Variants in OPTN observed in about 807,000 individuals in gnomAD.
OPTN encodes the protein E3-14.7K-interacting protein.
OPTN carries 54 observed loss-of-function variants against 70.4 expected under a neutral mutation model. The observed-to-expected ratio is 0.77, with a 90% CI of 0.62 to 0.96. OPTN has a LOEUF of 0.96. Ranked by LOEUF, OPTN falls within the 40% of genes least tolerant of loss-of-function variation. The pLI is 0.00. For synonymous variants in OPTN, 256 were observed against 248.5 expected, an observed-to-expected ratio of 1.03 and a Z score of -0.28; for missense variants, 624 against 673.2, an observed-to-expected ratio of 0.93 and a Z score of 0.81.
At chr10:13,111,706 A>AT (rs1327242454) in intron 4 of OPTN, among the ~76,000 whole-genome samples, 1 of 151,938 alleles carries the variant, frequency 6.6e-6, no homozygotes, top group Non-Finnish European at 1.5e-5. Flanking sequence ...GGAAAAAAAA[A>AT]TTGTCAGGTA....
chr10:13,121,500 TAAAA>T (rs200687404), intron 7 of OPTN, among the ~76,000 whole-genome samples: 3 of 90,878 alleles, frequency 3.3e-5, no homozygotes, highest in African/African-American at 4.6e-5. Flanking sequence ...GATTATCCTG[TAAAA>T]AAAAAAAAAA....
At chr10:13,101,493 A>G (rs1439170669) in intron 1 of OPTN, among the ~76,000 whole-genome samples, 1 of 141,624 alleles carries the variant, frequency 7.1e-6, no homozygotes, top group Admixed American at 7.9e-5. Flanking sequence ...TTACTTAGGT[A>G]GAGGCGCATA....
At chr10:13,125,693 C>G in intron 10 of OPTN, 126 bp downstream of exon 10, 1 of 1,083,212 alleles carries the variant, frequency 9.2e-7, no homozygotes, top group South Asian at 1.5e-5. Flanking sequence ...CTGAAGGAGT[C>G]CTAGCAGACC....
At chr10:13,126,526 C>T (rs1019585300) in intron 11 of OPTN, among the ~76,000 whole-genome samples, 10 of 151,728 alleles carry the variant, frequency 6.6e-5, no homozygotes, top group Non-Finnish European at 1.3e-4. Context: ...GTGATCCACC[C>T]GCCTCGGCCT....
rs150381274 is a variant in OPTN at position 13,124,075 on chromosome 10, C to T, written c.963C>T (p.Ser321=). The T allele has an allele frequency of 9.2e-4, 1,488 of 1,612,530 alleles. 18 individuals are homozygous for T. The African/African-American group carries it at 0.017, about 18-fold the overall frequency. The change falls in exon 9 of 15, where the codon AGC becomes AGT. Residue 321 remains serine, a synonymous_variant. Transcript: ENST00000378747. ...KELQEAHTKL[S]EAELMKKRLQ... is the part of the protein sequence containing the mutation. Reference sequence around the variant, plus strand: ...TTCAAGAGGCTCATACAAAACTCAGCGAAGCTGAGCTAATGAAGAAGAGAC... The same window carrying T: ...TTCAAGAGGCTCATACAAAACTCAGTGAAGCTGAGCTAATGAAGAAGAGAC...
At chr10:13,101,250 A>G (rs1211307086) in intron 1 of OPTN, among the ~76,000 whole-genome samples, 1 of 152,238 alleles carries the variant, frequency 6.6e-6, no homozygotes, top group African/African-American at 2.4e-5. Context: ...AAGTCCTGGC[A>G]TAATTCATCT....
At chr10:13,120,596 A>C (rs1833326014) in intron 7 of OPTN, among the ~76,000 whole-genome samples, 1 of 148,970 alleles carries the variant, frequency 6.7e-6, no homozygotes, top group African/African-American at 2.5e-5. Flanking sequence ...AGAATTTTGT[A>C]GTTTCATCTC....
chr10:13,127,403 T>C (rs1456037311), intron 11 of OPTN, among the ~76,000 whole-genome samples: 2 of 152,248 alleles, frequency 1.3e-5, no homozygotes, highest in Admixed American at 6.5e-5. Context: ...CTTATTAACA[T>C]TGGAGTTTGT....
chr10:13,111,708 T>C (rs1833003101), intron 4 of OPTN, among the ~76,000 whole-genome samples: 1 of 151,830 alleles, frequency 6.6e-6, no homozygotes, highest in Non-Finnish European at 1.5e-5. Flanking sequence ...AAAAAAAAAT[T>C]GTCAGGTAAA....
chr10:13,107,616 C>A (rs965091883), intron 1 of OPTN, among the ~76,000 whole-genome samples: 1 of 151,822 alleles, frequency 6.6e-6, no homozygotes, highest in East Asian at 2.0e-4. Context: ...CTCCTGACCT[C>A]GTAATCTGCC....
intron 1 of OPTN, among the ~76,000 whole-genome samples, chr10:13,101,637 C>A (rs1313805964): frequency 1.3e-5 from 2 of 152,112 alleles, no homozygotes; most frequent in Non-Finnish European, 2.9e-5. Flanking sequence ...AAAAATATTT[C>A]ATTTAGAAAG....
At chr10:13,126,803 G>A (rs897776430) in intron 11 of OPTN, among the ~76,000 whole-genome samples, 1 of 152,182 alleles carries the variant, frequency 6.6e-6, no homozygotes, top group African/African-American at 2.4e-5. Context: ...CAAGGCTGGA[G>A]GATCATTTGA....
chr10:13,115,934 C>T (rs1285321851), intron 5 of OPTN, among the ~76,000 whole-genome samples: 1 of 151,914 alleles, frequency 6.6e-6, no homozygotes, highest in African/African-American at 2.4e-5. Flanking sequence ...CTCTGTATGA[C>T]CTTAACCTTG....
intron 1 of OPTN, among the ~76,000 whole-genome samples, chr10:13,102,742 A>C (rs1285685403): frequency 1.3e-5 from 2 of 152,196 alleles, no homozygotes; most frequent in Non-Finnish European, 2.9e-5. Context: ...CAGGAGTTCA[A>C]GACCAGCCTG....
Position 13,103,241 on chromosome 10 carries a change from C to G in OPTN, c.-164+2939C>G, listed in dbSNP as rs141463405. ...TCAATGCAATGTTAGAATCTTACCCCCCTTGTGAACCCAAACTCTTCATAG... is the reference window on the plus strand; with the variant it reads ...TCAATGCAATGTTAGAATCTTACCCGCCTTGTGAACCCAAACTCTTCATAG... On this transcript the variant is annotated intron_variant, in intron 1 of 14. Coordinates refer to ENST00000378747, the MANE Select transcript of OPTN (RefSeq NM_001008212.2). Among the ~76,000 whole-genome samples, 649 of 152,278 alleles carry G rather than the reference C, an allele frequency of 4.3e-3. 7 individuals carry two copies. Among genetic ancestry groups the G allele is most frequent in the African/African-American group, 0.015 (611 of 41,550 alleles).
At chr10:13,105,419 T>C (rs1366249789) in intron 1 of OPTN, among the ~76,000 whole-genome samples, 1 of 152,236 alleles carries the variant, frequency 6.6e-6, no homozygotes, top group Non-Finnish European at 1.5e-5. Flanking sequence ...CTAGAGGTCA[T>C]GTGACTTCCC....
At chr10:13,117,439 G>GTTTTT (rs1168488076) in intron 6 of OPTN, among the ~76,000 whole-genome samples, 1 of 32,744 alleles carries the variant, frequency 3.1e-5, no homozygotes, top group Non-Finnish European at 5.3e-5. Context: ...TTGAGATGGA[G>GTTTTT]TTTTTTTTTT....
In OPTN at chr10:13,125,981, A is replaced by G; in HGVS notation, c.1184A>G (p.Lys395Arg). 2 of 1,612,768 alleles carry G rather than the reference A, an allele frequency of 1.2e-6. No homozygotes were observed. Among genetic ancestry groups the G allele is most frequent in the Non-Finnish European group, 1.7e-6 (2 of 1,178,796 alleles). ...KLTVLQMTHNKLLQEHNNALK... is the reference protein window; with the variant it reads ...KLTVLQMTHNRLLQEHNNALK... Reference sequence around the variant, plus strand: ...ACTGTGCTACAGATGACACACAACAAGCTTCTTCAAGAACATAATAATGCA... The same window carrying G: ...ACTGTGCTACAGATGACACACAACAGGCTTCTTCAAGAACATAATAATGCA... Residue 395 changes from lysine (K) to arginine (R), a missense_variant, in exon 11 of 15, where the codon AAG becomes AGG. Lys to Arg is a conservative substitution (Grantham distance 26, BLOSUM62 2). Transcript: ENST00000378747.
intron 1 of OPTN, among the ~76,000 whole-genome samples, chr10:13,106,928 T>C (rs990810670): frequency 3.9e-5 from 6 of 152,168 alleles, no homozygotes; most frequent in Admixed American, 1.3e-4. Flanking sequence ...ATGGATCTCA[T>C]TGAGACCAGT....
Sources: allele counts gnomAD v4.1 joint callset (sites outside exome capture counted in the v4.1 genomes callset), GRCh38; gene constraint gnomAD v4.1.1; transcripts MANE v1.5; gene names NCBI Gene and HGNC (gene_info 2026-07-23, HGNC 2026-07-21).